PLEKHA7: variants seen among roughly 807,000 people sequenced by gnomAD.
The protein encoded by PLEKHA7 is pleckstrin homology domain containing A7, also known as pleckstrin homology domain-containing family A member 7.
PLEKHA7 carries 104 observed loss-of-function variants against 170.0 expected under a neutral mutation model. The ratio of observed to expected loss-of-function variants is 0.61; its 90% CI spans 0.52 to 0.72. The LOEUF (loss-of-function observed/expected upper bound fraction) is 0.72. PLEKHA7 is among the 30% of genes least tolerant of loss of function. The pLI is 0.00. For missense variants in PLEKHA7, 1,615 were observed against 1,671.7 expected (o/e 0.97, Z 0.59); for synonymous variants, 648 against 660.8 (o/e 0.98, Z 0.30).
intron 10 of PLEKHA7, among the ~76,000 whole-genome samples, chr11:16,820,716 G>T (rs540146721): frequency 6.6e-6 from 1 of 152,210 alleles, no homozygotes; most frequent in African/African-American, 2.4e-5. Flanking sequence ...CACTCCCCTT[G>T]CCTGCCTACA....
At chr11:16,943,852 T>C (rs572670589) in intron 3 of PLEKHA7, among the ~76,000 whole-genome samples, 2 of 152,330 alleles carry the variant, frequency 1.3e-5, no homozygotes, top group East Asian at 1.9e-4. Context: ...TCCCAGGATC[T>C]GTCCTTGGGT....
At chr11:16,876,190 T>A (rs1046176486) in intron 3 of PLEKHA7, among the ~76,000 whole-genome samples, 2 of 152,220 alleles carry the variant, frequency 1.3e-5, no homozygotes, top group African/African-American at 4.8e-5. Context: ...TCACTGTGTC[T>A]CAAGAAGTAT....
rs1374772093 is a variant in PLEKHA7, at chr11:16,791,106, T to C, written c.2839A>G (p.Ile947Val). ...CCCCGCACAGATGTGTGCCGGATGA[T>C]GGTGGCCTCTCTTGGCAGAGGCGGC... ...AVPPLPREATIIRHTSVRGLK... is the reference protein window; with the variant it reads ...AVPPLPREATVIRHTSVRGLK... The change falls in exon 20 of 27, where the codon ATC becomes GTC. Residue 947 changes from isoleucine (I) to valine (V), a missense_variant. Physicochemically the swap from Ile to Val is conservative, Grantham distance 29 (BLOSUM62 3). Transcript: ENST00000531066. This position sits in a 1 kb window ranked among gnomAD's most constrained non-coding sequence, Gnocchi z 4.5. 7.4e-6 allele frequency: 12 copies of C among 1,614,122 alleles called. No individual in the cohort carries two copies. Among genetic ancestry groups the C allele is most frequent in the Non-Finnish European group, 2.5e-6 (3 of 1,180,020 alleles).
intron 3 of PLEKHA7, among the ~76,000 whole-genome samples, chr11:16,910,870 T>C (rs1314165738): frequency 1.3e-5 from 2 of 152,254 alleles, no homozygotes; most frequent in Admixed American, 1.3e-4. Flanking sequence ...GATAACATTC[T>C]GGACTTGGCT....
chr11:17,007,876 AAAGAT>A (rs1228907148), intron 3 of PLEKHA7, among the ~76,000 whole-genome samples: 1 of 152,276 alleles, frequency 6.6e-6, no homozygotes, highest in Non-Finnish European at 1.5e-5. Context: ...CGCCCGGCCT[AAAGAT>A]ATTCAGTTGG....
chr11:16,987,600 A>C (rs763193511), intron 3 of PLEKHA7, among the ~76,000 whole-genome samples: 1 of 152,170 alleles, frequency 6.6e-6, no homozygotes, highest in Non-Finnish European at 1.5e-5. Flanking sequence ...TGAGAAATGA[A>C]GGGAATGTAA....
intron 3 of PLEKHA7, among the ~76,000 whole-genome samples, chr11:16,898,609 TAGC>T (rs1488404257): frequency 6.6e-6 from 1 of 152,218 alleles, no homozygotes; most frequent in African/African-American, 2.4e-5. Flanking sequence ...CTACTAATAA[TAGC>T]AGCAAGTATT....
At chr11:16,997,201 T>C (rs759390643) in intron 3 of PLEKHA7, among the ~76,000 whole-genome samples, 15 of 152,110 alleles carry the variant, frequency 9.9e-5, no homozygotes, top group Non-Finnish European at 1.8e-4. Flanking sequence ...GAGGTGCCTA[T>C]AGGGACTTCA....
chr11:16,864,743 G>A (rs1419392107), intron 4 of PLEKHA7, among the ~76,000 whole-genome samples: 1 of 152,204 alleles, frequency 6.6e-6, no homozygotes, highest in Non-Finnish European at 1.5e-5. Flanking sequence ...CGCCATGATT[G>A]TGGGACCTCC....
intron 9 of PLEKHA7, among the ~76,000 whole-genome samples, chr11:16,826,930 T>C (rs1391002912): frequency 1.5e-4 from 23 of 152,224 alleles, no homozygotes; most frequent in Admixed American, 1.3e-3. Context: ...CCCACCTGGC[T>C]GATCATCATA....
At chr11:16,862,323 C>A (rs12223369) in intron 4 of PLEKHA7, among the ~76,000 whole-genome samples, 25,078 of 152,138 alleles carry the variant, frequency 0.16, 2,570 homozygotes, top group Non-Finnish European at 0.24. Context: ...CGGAGTATTG[C>A]CCCGAACCTG....
At chr11:16,811,203 A>G (rs1213257091) in intron 13 of PLEKHA7, among the ~76,000 whole-genome samples, 2 of 152,304 alleles carry the variant, frequency 1.3e-5, no homozygotes, top group Non-Finnish European at 2.9e-5. Context: ...GTCACATACA[A>G]ACAGGAACCA....
intron 3 of PLEKHA7, among the ~76,000 whole-genome samples, chr11:16,916,108 G>A (rs905790385): frequency 1.3e-4 from 20 of 152,138 alleles, no homozygotes; most frequent in African/African-American, 4.8e-4. Context: ...TTTCTCTGAT[G>A]GCCAGTGATG....
intron 3 of PLEKHA7, among the ~76,000 whole-genome samples, chr11:16,901,868 C>A (rs1343482295): frequency 6.6e-6 from 1 of 152,072 alleles, no homozygotes; most frequent in Admixed American, 6.5e-5. Context: ...GACCTTGTCT[C>A]AAAATATAAT....
intron 3 of PLEKHA7, among the ~76,000 whole-genome samples, chr11:16,896,647 AC>A (rs1857013295): frequency 6.6e-6 from 1 of 152,088 alleles, no homozygotes; most frequent in Non-Finnish European, 1.5e-5. Context: ...GATCCTCCAG[AC>A]AGTTGCCTGT....
intron 26 of PLEKHA7, among the ~76,000 whole-genome samples, chr11:16,782,158 C>T (rs187227962): frequency 1.5e-4 from 21 of 140,492 alleles, no homozygotes; most frequent in African/African-American, 3.0e-4. Context: ...TTGAGACACA[C>T]GGACACACAC....
Position 16,816,783 on chromosome 11 carries a change from A to T in PLEKHA7, c.1866+17T>A, listed in dbSNP as rs759811369. On this transcript the variant is annotated intron_variant, in intron 11 of 26. Coordinates refer to ENST00000531066, the MANE Select transcript of PLEKHA7 (RefSeq NM_001329630.2). ...TCATGATGACCCAGCAGCCTGGCAG[A>T]GCTTCCCGAGCCTCACCTTGACAGC... 1.2e-6 allele frequency: 2 copies of T among 1,609,794 alleles called. No homozygotes were observed. The highest frequency in any genetic ancestry group is 2.2e-5 in the South Asian group (2 of 90,486).
chr11:17,010,498 T>C (rs1195810303), intron 3 of PLEKHA7, among the ~76,000 whole-genome samples: 1 of 152,180 alleles, frequency 6.6e-6, no homozygotes, highest in Non-Finnish European at 1.5e-5. Flanking sequence ...TCCAGCTACT[T>C]GGGAGGCTGA....
At chr11:16,865,446 C>A (rs1054809348) in intron 4 of PLEKHA7, among the ~76,000 whole-genome samples, 1 of 152,142 alleles carries the variant, frequency 6.6e-6, no homozygotes, top group Admixed American at 6.6e-5. Context: ...CACTCTAGGC[C>A]AGGCGGGTGG....
Sources: allele counts gnomAD v4.1 joint callset (sites outside exome capture counted in the v4.1 genomes callset), GRCh38; gene constraint gnomAD v4.1.1; non-coding constraint Gnocchi (gnomAD v3.1); transcripts MANE v1.5; gene names NCBI Gene and HGNC (gene_info 2026-07-23, HGNC 2026-07-21).